The following PDK1 variants were observed in gnomAD, a reference collection of about 807,000 sequenced individuals.
PDK1 encodes pyruvate dehydrogenase kinase 1.
Under a neutral mutation model 54.2 loss-of-function variants are expected in PDK1, and 39 were observed. That is an observed-to-expected ratio of 0.72 (90% CI 0.56 to 0.94). PDK1 has a LOEUF of 0.94. Ranked by LOEUF, PDK1 falls within the 40% of genes least tolerant of loss-of-function variation. The pLI, the probability that PDK1 is intolerant of heterozygous loss-of-function variation, is 0.00. For synonymous variants in PDK1, 221 were observed against 207.1 expected (o/e 1.07, Z -0.58); for missense variants, 552 against 566.0 (o/e 0.98, Z 0.25).
At chr2:172,704,236 C>T in the PDK1 span, among the ~76,000 whole-genome samples, 8,115 of 152,174 alleles carry the variant, frequency 0.053, 414 homozygotes, top group East Asian at 0.22. Flanking sequence ...GGCACGACAG[C>T]GATGGTGAGA....
the PDK1 span, among the ~76,000 whole-genome samples, chr2:172,711,332 C>T: frequency 6.6e-6 from 1 of 152,208 alleles, no homozygotes; most frequent in Non-Finnish European, 1.5e-5. Context: ...TCCACTCTGT[C>T]CCTACCTTCC....
At chr2:172,622,634 TG>T in the PDK1 span, among the ~76,000 whole-genome samples, 1 of 145,402 alleles carries the variant, frequency 6.9e-6, no homozygotes, top group African/African-American at 2.5e-5. Context: ...TCTCATTATG[TG>T]AGATATGTTT....
intron 2 of PDK1, among the ~76,000 whole-genome samples, chr2:172,559,183 G>A (rs1688523022): frequency 6.6e-6 from 1 of 152,108 alleles, no homozygotes. Context: ...TCCTGAACTC[G>A]TGATCCACCC....
intron 8 of PDK1, 26 bp downstream of exon 8, chr2:172,570,850 C>CTTTT: frequency 9.0e-6 from 9 of 999,222 alleles, no homozygotes; most frequent in East Asian, 5.3e-5. Flanking sequence ...GGTTTGTTTT[C>CTTTT]TTTTTTTTTT....
intron 1 of PDK1, 59 bp downstream of exon 1, chr2:172,556,405 C>G (rs1688325155): frequency 3.1e-6 from 4 of 1,273,882 alleles, no homozygotes; most frequent in Non-Finnish European, 4.1e-6. Context: ...GAGCTGCGGC[C>G]GCTGCCCCAG....
intron 10 of PDK1, among the ~76,000 whole-genome samples, chr2:172,595,575 TC>T (rs1179079668): frequency 6.6e-6 from 1 of 152,184 alleles, no homozygotes; most frequent in African/African-American, 2.4e-5. Context: ...TCCAGCAGCT[TC>T]CAGGATGGCT....
chr2:172,608,831 ACCAT>A (rs1292708922), downstream of PDK1, among the ~76,000 whole-genome samples: 3 of 152,166 alleles, frequency 2.0e-5, no homozygotes, highest in African/African-American at 7.2e-5. Flanking sequence ...TAAGACATCC[ACCAT>A]CCACAGATGG....
chr2:172,686,857 G>C, the PDK1 span, among the ~76,000 whole-genome samples: 1 of 152,128 alleles, frequency 6.6e-6, no homozygotes, highest in Non-Finnish European at 1.5e-5. Context: ...CTACCTATCT[G>C]CTATCTATCA....
At chr2:172,568,705 C>G (rs1418141616) in intron 6 of PDK1, 36 bp from the exon 7 acceptor site, 1 of 1,268,512 alleles carries the variant, frequency 7.9e-7, no homozygotes, top group Admixed American at 1.7e-5. Flanking sequence ...AAGCACATCT[C>G]TCTGTACTTT....
the PDK1 span, among the ~76,000 whole-genome samples, chr2:172,622,905 AAT>A: frequency 7.2e-6 from 1 of 138,082 alleles, no homozygotes; most frequent in African/African-American, 3.1e-5. Context: ...AATATAATAT[AAT>A]ATATGTTTAT....
the PDK1 span, among the ~76,000 whole-genome samples, chr2:172,675,865 C>T: frequency 4.6e-5 from 7 of 152,140 alleles, no homozygotes; most frequent in Admixed American, 3.9e-4. Context: ...GGCTTCAAGG[C>T]TCCAAAGGAC....
At chr2:172,704,592 T>C in the PDK1 span, among the ~76,000 whole-genome samples, 1 of 152,120 alleles carries the variant, frequency 6.6e-6, no homozygotes, top group Non-Finnish European at 1.5e-5. Flanking sequence ...CAGGGTATAC[T>C]CTTGAGCCCA....
chr2:172,592,387 C>A (rs956982771), intron 9 of PDK1, among the ~76,000 whole-genome samples: 1 of 152,052 alleles, frequency 6.6e-6, no homozygotes, highest in Non-Finnish European at 1.5e-5. Context: ...CTCTTTCTCT[C>A]TCTCTCTGAC....
the PDK1 span, among the ~76,000 whole-genome samples, chr2:172,626,928 C>T: frequency 3.9e-5 from 6 of 152,090 alleles, no homozygotes; most frequent in Non-Finnish European, 7.4e-5. Context: ...TCTTTCTCAG[C>T]TCTGAACACT....
At chr2:172,676,495 T>C in the PDK1 span, among the ~76,000 whole-genome samples, 1 of 152,118 alleles carries the variant, frequency 6.6e-6, no homozygotes, top group Non-Finnish European at 1.5e-5. Context: ...GAGATAACTA[T>C]AGATGTGATA....
At chr2:172,678,510 T>C in the PDK1 span, among the ~76,000 whole-genome samples, 775 of 152,312 alleles carry the variant, frequency 5.1e-3, 5 homozygotes, top group African/African-American at 0.017. Context: ...ATAATGCTTA[T>C]GCATTATATT....
intron 3 of PDK1, chr2:172,564,215 G>A (rs1688813904): frequency 2.1e-6 from 1 of 471,326 alleles, no homozygotes; most frequent in South Asian, 1.9e-5. Flanking sequence ...GTTGATAACA[G>A]TTAAAACCAT....
At chr2:172,652,593 C>T in the PDK1 span, among the ~76,000 whole-genome samples, 3 of 152,192 alleles carry the variant, frequency 2.0e-5, no homozygotes, top group Non-Finnish European at 4.4e-5. Flanking sequence ...CCAAAATCTC[C>T]TTAAGCTGAT....
At chr2:172,564,827 C>T (rs1276210647) in intron 4 of PDK1, 140 bp downstream of exon 4, 1 of 852,480 alleles carries the variant, frequency 1.2e-6, no homozygotes, top group African/African-American at 1.7e-5. Context: ...AGACTGCCAT[C>T]AAGAAAGGTG....
Sources: gnomAD v4.1 joint callset for allele counts (sites outside exome capture counted in the v4.1 genomes callset) on GRCh38, gnomAD v4.1.1 for gene constraint, MANE v1.5 for transcripts, NCBI Gene and HGNC (gene_info 2026-07-23, HGNC 2026-07-21) for gene names.